The following ADGRD1 variants were observed in gnomAD, a reference collection of about 807,000 sequenced individuals.
ADGRD1 encodes the protein adhesion G protein-coupled receptor D1, also known as G-protein coupled receptor 133.
In ADGRD1, 77 loss-of-function variants were observed where a neutral mutation model predicts 113.4. The observed-to-expected ratio is 0.68, with a 90% confidence interval of 0.57 to 0.82. ADGRD1 has a LOEUF of 0.82. Among genes scored for constraint, ADGRD1 ranks in the 40% least tolerant of loss-of-function variants. ADGRD1 has a pLI of 0.00. For missense variants in ADGRD1, 1,036 were observed against 1,139.1 expected, an observed-to-expected ratio of 0.91 and a Z score of 1.30; for synonymous variants, 474 against 475.0, an observed-to-expected ratio of 1.00 and a Z score of 0.03.
intron 13 of ADGRD1, among the ~76,000 whole-genome samples, chr12:131,021,842 G>C (rs1879362471): frequency 6.6e-6 from 1 of 152,128 alleles, no homozygotes. Context: ...GAGAATCTGG[G>C]ACCTCAGACA....
chr12:131,020,670 C>T (rs1323913594), intron 13 of ADGRD1, among the ~76,000 whole-genome samples: 1 of 152,244 alleles, frequency 6.6e-6, no homozygotes, highest in Non-Finnish European at 1.5e-5. Context: ...GAACCCTGGA[C>T]ATTTATCCGA....
intron 14 of ADGRD1, among the ~76,000 whole-genome samples, chr12:131,082,951 C>T (rs896419031): frequency 2.0e-5 from 3 of 152,188 alleles, no homozygotes; most frequent in African/African-American, 7.2e-5. Context: ...TCGGAAAGAC[C>T]GTCCCAACCC....
intron 2 of ADGRD1, chr12:130,957,843 G>T (rs926167597): frequency 2.0e-5 from 3 of 152,276 alleles, no homozygotes; most frequent in South Asian, 2.1e-4. Context: ...TCTTGAAACC[G>T]CAAGGTTTCT....
chr12:131,072,720 G>A (rs1019178080), intron 13 of ADGRD1, among the ~76,000 whole-genome samples: 5 of 152,234 alleles, frequency 3.3e-5, no homozygotes, highest in Non-Finnish European at 5.9e-5. Flanking sequence ...GGGCCTGGGA[G>A]GCCTGGAGAG....
chr12:130,995,912 G>A (rs1875237675), intron 8 of ADGRD1, among the ~76,000 whole-genome samples: 1 of 152,034 alleles, frequency 6.6e-6, no homozygotes, highest in Non-Finnish European at 1.5e-5. Context: ...TTCCTAGGCA[G>A]AGGACCCTGC....
chr12:131,048,495 A>G (rs1163497345), intron 13 of ADGRD1, among the ~76,000 whole-genome samples: 5 of 152,120 alleles, frequency 3.3e-5, no homozygotes, highest in Non-Finnish European at 7.4e-5. Context: ...CCCACAGCCT[A>G]CGGGAAGCGC....
chr12:131,087,602 C>T (rs1886572605), intron 15 of ADGRD1, among the ~76,000 whole-genome samples: 1 of 152,222 alleles, frequency 6.6e-6, no homozygotes, highest in African/African-American at 2.4e-5. Flanking sequence ...GTTGCCCGCA[C>T]CCTTCAGTGG....
At chr12:131,121,203 T>A (rs1950585014) in intron 20 of ADGRD1, among the ~76,000 whole-genome samples, 1 of 152,082 alleles carries the variant, frequency 6.6e-6, no homozygotes, top group African/African-American at 2.4e-5. Context: ...AGGCGCGGGC[T>A]CGTCCTTCCC....
intron 6 of ADGRD1, chr12:130,989,776 C>G (rs1373323950): frequency 6.6e-6 from 1 of 152,286 alleles, no homozygotes; most frequent in Admixed American, 6.5e-5. Flanking sequence ...CCGGTCCGTC[C>G]AGGTGTGGTG....
At chr12:131,058,133 G>A (rs1269904528) in intron 13 of ADGRD1, among the ~76,000 whole-genome samples, 1 of 152,086 alleles carries the variant, frequency 6.6e-6, no homozygotes, top group Non-Finnish European at 1.5e-5. Flanking sequence ...ATGGATTCTG[G>A]CCTTGCCCTC....
At chr12:130,990,961 TG>T in intron 6 of ADGRD1, 52 bp from the exon 7 acceptor site, 1 of 1,411,498 alleles carries the variant, frequency 7.1e-7, no homozygotes, top group Non-Finnish European at 1.0e-6. Flanking sequence ...GTCTTCCTCG[TG>T]GTGAAAAAAG....
rs184206837 is a variant in ADGRD1 at position 131,047,415 on chromosome 12, C to T, written c.1474-29386C>T. 3.4e-3 allele frequency among the ~76,000 whole-genome samples: 517 copies of T among 152,286 alleles called. 3 individuals carry two copies. Among genetic ancestry groups the T allele is most frequent in the African/African-American group, 0.012 (490 of 41,546 alleles). On this transcript the variant is annotated intron_variant, in intron 13 of 24. Coordinates refer to ENST00000261654, the MANE Select transcript of ADGRD1 (RefSeq NM_198827.5). Reference sequence around the variant, plus strand: ...GAAGGGCAGATGGGTGGGAGCATTCCAGGAGCAGGCAGCCCCGGGCCCCCT... The same window carrying T: ...GAAGGGCAGATGGGTGGGAGCATTCTAGGAGCAGGCAGCCCCGGGCCCCCT...
chr12:131,105,888 TC>T (rs761652609), intron 17 of ADGRD1, 23 bp downstream of exon 17: 2 of 1,521,906 alleles, frequency 1.3e-6, no homozygotes, highest in Non-Finnish European at 1.8e-6. Context: ...AGCTCCGTGT[TC>T]CTGCGCTGTC....
At chr12:131,018,920 T>A (rs1487534357) in intron 13 of ADGRD1, among the ~76,000 whole-genome samples, 1 of 152,056 alleles carries the variant, frequency 6.6e-6, no homozygotes, top group African/African-American at 2.4e-5. Context: ...GTCCTGCAGG[T>A]GGGGGCAGGA....
chr12:131,104,369 G>T (rs1194167721), intron 15 of ADGRD1, among the ~76,000 whole-genome samples: 1 of 152,210 alleles, frequency 6.6e-6, no homozygotes, highest in African/African-American at 2.4e-5. Flanking sequence ...TGGAGTCCTT[G>T]CGGCCACTGT....
At chr12:131,131,691 C>T (rs777500993) in intron 20 of ADGRD1, 34 bp from the exon 21 acceptor site, 7 of 1,403,872 alleles carry the variant, frequency 5.0e-6, no homozygotes, top group Non-Finnish European at 7.1e-6. Flanking sequence ...GCAGCCCAGG[C>T]CCCCCTCACC....
At chr12:130,996,838 C>A (rs1413986930) in intron 8 of ADGRD1, among the ~76,000 whole-genome samples, 1 of 100,298 alleles carries the variant, frequency 1.0e-5, no homozygotes, top group Non-Finnish European at 2.1e-5. Flanking sequence ...GGGGGGCTGA[C>A]CCCCCCACCT....
chr12:130,971,415 C>T lies in ADGRD1; in HGVS notation c.188-43C>T, dbSNP rs368200995. ...ACACACATCTTCAGACTTTTAATCT[C>T]GGAAGGTTATTAACATATGATGTTG... On this transcript the variant is annotated intron_variant, in intron 3 of 24. Transcript: ENST00000261654. The surrounding 1 kb of genome is among the most constrained non-coding windows in gnomAD (Gnocchi z 4.2). The T allele has an allele frequency of 7.6e-6, 12 of 1,576,148 alleles. No homozygotes were observed. The highest frequency in any genetic ancestry group is 4.5e-5 in the East Asian group (2 of 43,988).
chr12:131,084,567 C>T lies in ADGRD1; in HGVS notation c.1575C>T (p.His525=), dbSNP rs1272522411. Residue 525 remains histidine (H), a synonymous_variant, in exon 15 of 25, where the codon CAC becomes CAT. Coordinates refer to ENST00000261654, the MANE Select transcript of ADGRD1 (RefSeq NM_198827.5). This position sits in a 1 kb window ranked among gnomAD's most constrained non-coding sequence, Gnocchi z 4.5. Reference sequence around the variant, plus strand: ...CCGGAGAAGGGGTCTGGTCGAACCACGGCTGTGCGCTCACGAGAGGAAACC... The same window carrying T: ...CCGGAGAAGGGGTCTGGTCGAACCATGGCTGTGCGCTCACGAGAGGAAACC... ...FSSGEGVWSN[H]GCALTRGNLT... 6.8e-6 allele frequency: 11 copies of T among 1,614,004 alleles called. No homozygotes were observed. Among genetic ancestry groups the T allele is most frequent in the Non-Finnish European group, 9.3e-6 (11 of 1,180,006 alleles).
Sources: allele counts gnomAD v4.1 joint callset (sites outside exome capture counted in the v4.1 genomes callset), GRCh38; gene constraint gnomAD v4.1.1; non-coding constraint Gnocchi (gnomAD v3.1); transcripts MANE v1.5; gene names NCBI Gene and HGNC (gene_info 2026-07-23, HGNC 2026-07-21).